The following TAFA2 variants were observed in gnomAD, a reference collection of about 807,000 sequenced individuals.
TAFA2 encodes chemokine-like protein TAFA-2.
TAFA2 carries 7 observed loss-of-function variants against 18.8 expected under a neutral mutation model. That is an observed-to-expected ratio of 0.37 (90% CI 0.21 to 0.70). TAFA2 has a LOEUF of 0.70. TAFA2 is among the 30% of genes least tolerant of loss of function. The pLI is 0.53. For missense variants in TAFA2, 122 were observed against 158.1 expected, an observed-to-expected ratio of 0.77 and a Z score of 1.23; for synonymous variants, 60 against 54.2, an observed-to-expected ratio of 1.11 and a Z score of -0.47.
chr12:61,853,507 A>C (rs975663405), intron 2 of TAFA2, among the ~76,000 whole-genome samples: 3 of 152,184 alleles, frequency 2.0e-5, no homozygotes, highest in Non-Finnish European at 4.4e-5. Context: ...AAAACCTTGG[A>C]ACTAACTTAC....
intron 1 of TAFA2, among the ~76,000 whole-genome samples, chr12:62,059,060 G>T (rs1161879108): frequency 1.3e-5 from 2 of 151,690 alleles, no homozygotes; most frequent in Non-Finnish European, 2.9e-5. Flanking sequence ...CCGAGATCAC[G>T]GCACTGCACT....
At chr12:61,832,736 T>C (rs1221113747) in intron 2 of TAFA2, among the ~76,000 whole-genome samples, 1 of 151,976 alleles carries the variant, frequency 6.6e-6, no homozygotes, top group Non-Finnish European at 1.5e-5. Flanking sequence ...AAATATTACA[T>C]TCATGACATA....
chr12:62,249,243 C>T (rs1592419784), intron 1 of TAFA2, among the ~76,000 whole-genome samples: 1 of 141,410 alleles, frequency 7.1e-6, no homozygotes, highest in Non-Finnish European at 1.5e-5. Context: ...TGGTAAACAA[C>T]TTAGGGACTG....
chr12:62,112,131 T>G (rs946761469), intron 1 of TAFA2, among the ~76,000 whole-genome samples: 8 of 152,166 alleles, frequency 5.3e-5, no homozygotes, highest in African/African-American at 1.7e-4. Context: ...GGTACCAGTC[T>G]TTCCTTTCCA....
chr12:62,150,881 C>A (rs1165429017), intron 1 of TAFA2, among the ~76,000 whole-genome samples: 1 of 151,450 alleles, frequency 6.6e-6, no homozygotes, highest in Admixed American at 6.6e-5. Context: ...CACAGTGAGA[C>A]CCTGTCCAAA....
intron 1 of TAFA2, among the ~76,000 whole-genome samples, chr12:61,927,274 C>T (rs1877345565): frequency 6.6e-6 from 1 of 152,120 alleles, no homozygotes. Context: ...CCCATCGTCT[C>T]AGCCCAAAAT....
chr12:61,821,543 C>T (rs1872323375), intron 2 of TAFA2, among the ~76,000 whole-genome samples: 1 of 151,988 alleles, frequency 6.6e-6, no homozygotes, highest in Admixed American at 6.6e-5. Context: ...GGTAAAGAGA[C>T]AGACAGACCC....
At chr12:62,189,550 T>C (rs2062608218) in intron 1 of TAFA2, among the ~76,000 whole-genome samples, 2 of 152,346 alleles carry the variant, frequency 1.3e-5, no homozygotes, top group African/African-American at 4.8e-5. Flanking sequence ...GTGCCAATTT[T>C]GATATTGCAA....
At chr12:62,198,214 G>A (rs993486806) in intron 1 of TAFA2, 14 of 151,960 alleles carry the variant, frequency 9.2e-5, no homozygotes, top group Admixed American at 7.9e-4. Context: ...CAATCTACCT[G>A]TTATTATATA....
intron 2 of TAFA2, among the ~76,000 whole-genome samples, chr12:61,755,270 T>C (rs1869211654): frequency 6.6e-6 from 1 of 152,144 alleles, no homozygotes; most frequent in South Asian, 2.1e-4. Context: ...AATAAGCTGT[T>C]AAAAGTCTGA....
At chr12:61,885,626 C>A (rs962994823) in intron 1 of TAFA2, among the ~76,000 whole-genome samples, 1 of 152,154 alleles carries the variant, frequency 6.6e-6, no homozygotes, top group Non-Finnish European at 1.5e-5. Context: ...TGGACTAACT[C>A]TTTCTGTGTG....
At chr12:61,937,735 C>T (rs986527035) in intron 1 of TAFA2, among the ~76,000 whole-genome samples, 11 of 152,138 alleles carry the variant, frequency 7.2e-5, no homozygotes, top group African/African-American at 2.4e-4. Context: ...TTCTTCTGGA[C>T]GTTGGCCTAA....
At chr12:61,784,465 G>T (rs1870641859) in intron 2 of TAFA2, among the ~76,000 whole-genome samples, 1 of 151,518 alleles carries the variant, frequency 6.6e-6, no homozygotes, top group African/African-American at 2.4e-5. Flanking sequence ...TCTGCTTCAA[G>T]TTTAAAGGGT....
intron 2 of TAFA2, among the ~76,000 whole-genome samples, chr12:61,794,462 G>A (rs988340814): frequency 1.3e-5 from 2 of 151,952 alleles, no homozygotes; most frequent in African/African-American, 4.8e-5. Flanking sequence ...GAGTAAACCT[G>A]AGAAAAGATG....
intron 1 of TAFA2, among the ~76,000 whole-genome samples, chr12:62,184,499 A>ATTTTTTTTTT (rs770289214): frequency 1.6e-3 from 56 of 34,018 alleles, no homozygotes; most frequent in Middle Eastern, 0.012. Context: ...GAAAAAAAAA[A>ATTTTTTTTTT]TTCTTTTTTT....
intron 1 of TAFA2, among the ~76,000 whole-genome samples, chr12:62,185,498 T>C (rs993214821): frequency 4.3e-4 from 65 of 152,248 alleles, no homozygotes; most frequent in African/African-American, 1.5e-3. Context: ...CTGACTTGTC[T>C]GATAGCCATT....
intron 1 of TAFA2, among the ~76,000 whole-genome samples, chr12:61,870,215 G>A (rs909629059): frequency 1.3e-5 from 2 of 152,160 alleles, no homozygotes; most frequent in Non-Finnish European, 2.9e-5. Flanking sequence ...ACCATGTTCC[G>A]TCAATACTAC....
At chr12:61,920,758 T>A (rs1011275341) in intron 1 of TAFA2, among the ~76,000 whole-genome samples, 6 of 151,714 alleles carry the variant, frequency 4.0e-5, no homozygotes, top group Admixed American at 3.9e-4. Context: ...GAAAAAAAAA[T>A]TCCTCCCCTA....
chr12:62,072,076 G>A (rs560508773), intron 1 of TAFA2, among the ~76,000 whole-genome samples: 8 of 152,136 alleles, frequency 5.3e-5, no homozygotes, highest in African/African-American at 1.7e-4. Flanking sequence ...CTTAGACAAA[G>A]TTGCATATCC....
Sources: gnomAD v4.1 joint callset for allele counts (sites outside exome capture counted in the v4.1 genomes callset) on GRCh38, gnomAD v4.1.1 for gene constraint, MANE v1.5 for transcripts, NCBI Gene and HGNC (gene_info 2026-07-23, HGNC 2026-07-21) for gene names.